PRKCZ: variants seen among roughly 807,000 people sequenced by gnomAD.
PRKCZ encodes the protein protein kinase C zeta.
A neutral mutation model predicts 79.5 loss-of-function variants in PRKCZ; 33 were observed. The ratio of observed to expected loss-of-function variants is 0.41; its 90% CI spans 0.31 to 0.55. The LOEUF is 0.55. PRKCZ is among the 20% of genes least tolerant of loss of function. PRKCZ has a pLI of 0.19. For missense variants in PRKCZ, 578 were observed against 813.5 expected (o/e 0.71, Z 3.52); for synonymous variants, 342 against 320.9 (o/e 1.07, Z -0.70).
At chr1:2,167,883 GCC>G (rs1683647797) in intron 10 of PRKCZ, among the ~76,000 whole-genome samples, 1 of 151,770 alleles carries the variant, frequency 6.6e-6, no homozygotes. Context: ...GGGATTACAG[GCC>G]TCGTGAGCCA....
At chr1:2,181,675 A>G in intron 16 of PRKCZ, 1 of 360,692 alleles carries the variant, frequency 2.8e-6, no homozygotes, top group Non-Finnish European at 5.5e-6. Context: ...CGGAGCAGAG[A>G]ACGGGCTGGG....
intron 3 of PRKCZ, among the ~76,000 whole-genome samples, chr1:2,057,291 G>C (rs1312654318): frequency 6.6e-6 from 1 of 152,166 alleles, no homozygotes; most frequent in Non-Finnish European, 1.5e-5. Context: ...TTAGGTGGGC[G>C]TGGGCTCCTC....
chr1:2,056,208 C>T (rs1660143259), intron 2 of PRKCZ, among the ~76,000 whole-genome samples: 1 of 152,228 alleles, frequency 6.6e-6, no homozygotes, highest in African/African-American at 2.4e-5. Context: ...AGAGTGTCCT[C>T]AGCCCCGCTC....
In PRKCZ at chr1:2,178,551, G is replaced by C. The variant is rs560962020; in HGVS notation, c.1575+3238G>C. Among the ~76,000 whole-genome samples, 325 of 152,334 alleles carry C rather than the reference G, an allele frequency of 2.1e-3. 1 individual carries two copies. The highest frequency in any genetic ancestry group is 6.8e-3 in the South Asian group (33 of 4,830). ...TGTGAGCACCTGTGAACCCGCTTCT[G>C]GGTGGACACGTGTTTATTTCTCTTG... On this transcript the variant is annotated intron_variant, in intron 16 of 17. Transcript: ENST00000378567. The surrounding 1 kb of genome is among the most constrained non-coding windows in gnomAD (Gnocchi z 4.3).
intron 10 of PRKCZ, among the ~76,000 whole-genome samples, chr1:2,166,182 G>A (rs552435881): frequency 1.3e-5 from 2 of 152,348 alleles, no homozygotes; most frequent in African/African-American, 4.8e-5. Context: ...CCTTTGGGAG[G>A]CTGAGGCCGG....
At chr1:2,068,015 A>T (rs566862161) in intron 4 of PRKCZ, among the ~76,000 whole-genome samples, 1 of 152,326 alleles carries the variant, frequency 6.6e-6, no homozygotes, top group East Asian at 1.9e-4. Flanking sequence ...GAAATGCAGC[A>T]GATCCCTCAG....
chr1:2,119,059 C>T (rs1671327019), intron 4 of PRKCZ, among the ~76,000 whole-genome samples: 1 of 79,200 alleles, frequency 1.3e-5, no homozygotes, highest in African/African-American at 8.3e-5. Context: ...TTCCACTTTC[C>T]TCCCTTTATT....
chr1:2,136,769 C>G (rs978120717), intron 5 of PRKCZ, among the ~76,000 whole-genome samples: 1 of 152,132 alleles, frequency 6.6e-6, no homozygotes, highest in Non-Finnish European at 1.5e-5. Flanking sequence ...CCACCCTGGC[C>G]GCCTTTTCTG....
At chr1:2,065,291 A>G (rs1490905238) in intron 4 of PRKCZ, among the ~76,000 whole-genome samples, 1 of 152,226 alleles carries the variant, frequency 6.6e-6, no homozygotes, top group Non-Finnish European at 1.5e-5. Flanking sequence ...GTATACAGAG[A>G]TAATTTTACT....
Position 2,127,032 on chromosome 1 carries a change from G to T in PRKCZ, c.335-8230G>T, listed in dbSNP as rs567707242. Among the ~76,000 whole-genome samples the T allele has an allele frequency of 1.3e-5, 2 of 152,208 alleles. No homozygotes were observed. Among genetic ancestry groups the T allele is most frequent in the Non-Finnish European group, 2.9e-5 (2 of 68,038 alleles). On this transcript the variant is annotated intron_variant, in intron 4 of 17. Transcript: ENST00000378567. The surrounding 1 kb of genome is among the most constrained non-coding windows in gnomAD (Gnocchi z 5.1). ...GCAGAGCTTGGCTCCCTGTTCGCCC[G>T]ACTGGCGCCTCGGCTGTGCCTCTTC...
chr1:2,059,391 G>A (rs1571101359), intron 3 of PRKCZ, 150 bp from the exon 4 acceptor site: 10 of 903,404 alleles, frequency 1.1e-5, no homozygotes, highest in South Asian at 3.0e-5. Context: ...GGGGTTTTGC[G>A]TCTCCCAGGA....
At chr1:2,112,838 C>T (rs751438756) in intron 4 of PRKCZ, among the ~76,000 whole-genome samples, 11 of 152,042 alleles carry the variant, frequency 7.2e-5, no homozygotes, top group Admixed American at 5.2e-4. Context: ...TACAGGAGCT[C>T]GCCACCATGT....
intron 5 of PRKCZ, among the ~76,000 whole-genome samples, 166 bp downstream of exon 5, chr1:2,135,513 TAGGGCTGTCTG>T (rs1676010990): frequency 6.6e-6 from 1 of 152,224 alleles, no homozygotes; most frequent in South Asian, 2.1e-4. Context: ...AGGCTTTGAC[TAGGGCTGTCTG>T]AGGCGGGAAG....
chr1:2,081,719 G>T (rs1663556351), intron 4 of PRKCZ, among the ~76,000 whole-genome samples: 1 of 152,150 alleles, frequency 6.6e-6, no homozygotes, highest in African/African-American at 2.4e-5. Flanking sequence ...AGTGCCGTAG[G>T]GTCAGCAGCC....
chr1:2,059,146 A>C (rs1237464948), intron 3 of PRKCZ, among the ~76,000 whole-genome samples: 1 of 152,226 alleles, frequency 6.6e-6, no homozygotes, highest in Non-Finnish European at 1.5e-5. Context: ...GTGGAAGCCC[A>C]GGATATATGT....
At chr1:2,175,017 C>G (rs1160011191) in intron 15 of PRKCZ, among the ~76,000 whole-genome samples, 184 bp downstream of exon 15, 2 of 152,206 alleles carry the variant, frequency 1.3e-5, no homozygotes, top group East Asian at 1.9e-4. Flanking sequence ...TCACACCTAA[C>G]AAAATGAGAA....
intron 4 of PRKCZ, among the ~76,000 whole-genome samples, chr1:2,114,647 A>G (rs982965886): frequency 3.9e-5 from 6 of 152,086 alleles, no homozygotes; most frequent in African/African-American, 7.2e-5. Context: ...GGTGGTGGAC[A>G]CCTGTAGTCC....
intron 10 of PRKCZ, among the ~76,000 whole-genome samples, chr1:2,159,244 T>G (rs1433487364): frequency 6.6e-6 from 1 of 152,232 alleles, no homozygotes; most frequent in East Asian, 1.9e-4. Context: ...AAAGCCAACA[T>G]CGGCAAGGCG....
intron 1 of PRKCZ, among the ~76,000 whole-genome samples, chr1:2,055,036 G>A (rs995037732): frequency 2.6e-5 from 4 of 151,474 alleles, no homozygotes; most frequent in South Asian, 2.1e-4. Context: ...TCCGCCTCCC[G>A]GGTTCACGCC....
Sources: gnomAD v4.1 joint callset for allele counts (sites outside exome capture counted in the v4.1 genomes callset) on GRCh38, gnomAD v4.1.1 for gene constraint, Gnocchi (gnomAD v3.1) non-coding constraint, MANE v1.5 for transcripts, NCBI Gene and HGNC (gene_info 2026-07-23, HGNC 2026-07-21) for gene names.